The following TENM2 variants were observed in gnomAD, a reference collection of about 807,000 sequenced individuals.
The protein encoded by TENM2 is teneurin-2.
Under a neutral mutation model 245.2 loss-of-function variants are expected in TENM2, and 52 were observed. The ratio of observed to expected loss-of-function variants is 0.21; its 90% confidence interval spans 0.17 to 0.27. The LOEUF (loss-of-function observed/expected upper bound fraction) is 0.27. Among genes scored for constraint, TENM2 ranks in the 10% least tolerant of loss-of-function variants. TENM2 has a pLI of 1.00. For missense variants in TENM2, 3,046 were observed against 3,666.8 expected, an observed-to-expected ratio of 0.83 and a Z score of 4.37; for synonymous variants, 1,363 against 1,438.9, an observed-to-expected ratio of 0.95 and a Z score of 1.19.
intron 2 of TENM2, among the ~76,000 whole-genome samples, chr5:167,791,010 A>G (rs986643247): frequency 1.3e-5 from 2 of 152,184 alleles, no homozygotes; most frequent in African/African-American, 4.8e-5. Flanking sequence ...TGATTCAAAA[A>G]TCTCATGGCC....
At chr5:167,622,461 A>T (rs7730419) in intron 2 of TENM2, among the ~76,000 whole-genome samples, 106 of 152,304 alleles carry the variant, frequency 7.0e-4, no homozygotes, top group South Asian at 3.1e-3. Flanking sequence ...AAATACTGGC[A>T]AAGGTATAGA....
chr5:167,201,460 T>C, the TENM2 span, among the ~76,000 whole-genome samples: 8 of 152,162 alleles, frequency 5.3e-5, no homozygotes, highest in Non-Finnish European at 1.0e-4. Context: ...AAATATTAAA[T>C]GTAATGGAGG....
intron 2 of TENM2, among the ~76,000 whole-genome samples, chr5:167,775,216 C>T (rs756210252): frequency 6.6e-6 from 1 of 152,150 alleles, no homozygotes; most frequent in African/African-American, 2.4e-5. Flanking sequence ...GATCTGCCCG[C>T]CTCGGCCTCC....
intron 13 of TENM2, among the ~76,000 whole-genome samples, chr5:168,180,271 C>T (rs981862063): frequency 2.0e-5 from 3 of 152,194 alleles, no homozygotes; most frequent in African/African-American, 7.2e-5. Flanking sequence ...CAGAAGGGTC[C>T]ATGGTCAGGA....
intron 2 of TENM2, among the ~76,000 whole-genome samples, chr5:167,389,817 A>T (rs372025867): frequency 7.2e-5 from 11 of 152,300 alleles, no homozygotes; most frequent in African/African-American, 2.6e-4. Context: ...AATGATCATT[A>T]ATATTTTACC....
chr5:167,165,417 A>G, the TENM2 span: 2 of 152,204 alleles, frequency 1.3e-5, no homozygotes, highest in Non-Finnish European at 2.9e-5. Context: ...TACTTGGCTC[A>G]GTGTGGAAAT....
intron 2 of TENM2, among the ~76,000 whole-genome samples, chr5:167,729,302 T>C (rs1346321533): frequency 6.6e-6 from 1 of 152,218 alleles, no homozygotes; most frequent in Non-Finnish European, 1.5e-5. Context: ...GCTATTATTA[T>C]TAAGTTTTTA....
At chr5:168,173,945 C>A (rs1759093114) in intron 13 of TENM2, among the ~76,000 whole-genome samples, 1 of 152,212 alleles carries the variant, frequency 6.6e-6, no homozygotes, top group African/African-American at 2.4e-5. Flanking sequence ...CAAGGAACAG[C>A]AATGCCTGTG....
At chr5:167,360,040 C>T (rs887199443) in intron 1 of TENM2, among the ~76,000 whole-genome samples, 33 of 152,044 alleles carry the variant, frequency 2.2e-4, no homozygotes, top group African/African-American at 6.0e-4. Flanking sequence ...GTGGGAGGAG[C>T]GAGGAGCAGA....
chr5:167,701,153 GTGTGAGGTCTATGGAAAA>G, intron 2 of TENM2, among the ~76,000 whole-genome samples: 1 of 152,250 alleles, frequency 6.6e-6, no homozygotes, highest in Middle Eastern at 3.4e-3. Flanking sequence ...CACAAGAAAT[GTGTGAGGTCTATGGAAAA>G]TGTAATTTTT....
the TENM2 span, among the ~76,000 whole-genome samples, chr5:167,103,969 C>T: frequency 6.6e-6 from 1 of 152,048 alleles, no homozygotes; most frequent in Non-Finnish European, 1.5e-5. Context: ...ATGTCTTTCT[C>T]CTCTATACCG....
intron 1 of TENM2, among the ~76,000 whole-genome samples, chr5:167,327,979 T>A (rs938124750): frequency 6.6e-6 from 1 of 152,114 alleles, no homozygotes; most frequent in Non-Finnish European, 1.5e-5. Context: ...GCTAAGATAG[T>A]GAGAGTGCAG....
At chr5:167,047,436 A>G in the TENM2 span, among the ~76,000 whole-genome samples, 4 of 68,024 alleles carry the variant, frequency 5.9e-5, no homozygotes, top group East Asian at 1.0e-3. Context: ...TTCCAAATTG[A>G]TAACCTCTGG....
At chr5:167,766,449 A>T (rs1763027119) in intron 2 of TENM2, among the ~76,000 whole-genome samples, 1 of 152,210 alleles carries the variant, frequency 6.6e-6, no homozygotes, top group Non-Finnish European at 1.5e-5. Context: ...CCATCGAAGG[A>T]TGTTTCTTAG....
intron 1 of TENM2, among the ~76,000 whole-genome samples, chr5:167,312,149 G>T (rs1049814013): frequency 3.9e-5 from 6 of 152,026 alleles, no homozygotes; most frequent in African/African-American, 1.2e-4. Context: ...ACGTATGTTA[G>T]ATATATATTA....
the TENM2 span, among the ~76,000 whole-genome samples, chr5:166,993,544 C>G: frequency 1.3e-5 from 2 of 152,064 alleles, no homozygotes; most frequent in African/African-American, 4.8e-5. Flanking sequence ...CAGTTTTCCT[C>G]AGTTAGATAT....
At chr5:167,689,871 C>T (rs1298549384) in intron 2 of TENM2, among the ~76,000 whole-genome samples, 1 of 152,156 alleles carries the variant, frequency 6.6e-6, no homozygotes, top group African/African-American at 2.4e-5. Flanking sequence ...AGCGATTCTC[C>T]TGCCTCAGCC....
intron 2 of TENM2, among the ~76,000 whole-genome samples, chr5:167,563,940 A>C (rs1773746359): frequency 6.6e-6 from 1 of 152,152 alleles, no homozygotes. Context: ...TTGCACAATG[A>C]CAAAATCGCC....
chr5:167,013,539 C>T, the TENM2 span, among the ~76,000 whole-genome samples: 674 of 152,064 alleles, frequency 4.4e-3, 3 homozygotes, highest in Admixed American at 5.9e-3. Flanking sequence ...AACCCTGTCT[C>T]CCCTAAAAAA....
Sources: gnomAD v4.1 joint callset for allele counts (sites outside exome capture counted in the v4.1 genomes callset) on GRCh38, gnomAD v4.1.1 for gene constraint, MANE v1.5 for transcripts, NCBI Gene and HGNC (gene_info 2026-07-23, HGNC 2026-07-21) for gene names.